Variants in DGKG observed in about 807,000 individuals in gnomAD.
The protein encoded by DGKG is diacylglycerol kinase gamma, also known as DAG kinase gamma.
DGKG carries 78 observed loss-of-function variants against 105.3 expected under a neutral mutation model. The observed-to-expected ratio is 0.74, with a 90% CI of 0.62 to 0.89. The LOEUF is 0.89. Ranked by LOEUF, DGKG falls within the 40% of genes least tolerant of loss-of-function variation. The pLI is 0.00. For synonymous variants in DGKG, 346 were observed against 367.1 expected, an observed-to-expected ratio of 0.94 and a Z score of 0.66; for missense variants, 958 against 1,020.1, an observed-to-expected ratio of 0.94 and a Z score of 0.83.
intron 22 of DGKG, among the ~76,000 whole-genome samples, chr3:186,178,127 T>TA (rs1717178231): frequency 6.6e-6 from 1 of 152,206 alleles, no homozygotes; most frequent in African/African-American, 2.4e-5. Context: ...TGCTTGTGGC[T>TA]TGATCTTGGA....
intron 16 of DGKG, among the ~76,000 whole-genome samples, chr3:186,258,606 T>C (rs1721596512): frequency 6.6e-6 from 1 of 152,192 alleles, no homozygotes. Flanking sequence ...CCCATGACTT[T>C]GTCAGCGGTC....
At chr3:186,279,008 T>C (rs1722711413) in intron 9 of DGKG, 3 of 152,238 alleles carry the variant, frequency 2.0e-5, no homozygotes, top group Admixed American at 6.5e-5. Flanking sequence ...TGAAGGTATA[T>C]ATAACAATCA....
chr3:186,349,549 T>TA (rs1407793160), intron 1 of DGKG, among the ~76,000 whole-genome samples: 5 of 152,224 alleles, frequency 3.3e-5, no homozygotes, highest in Non-Finnish European at 2.9e-5. Flanking sequence ...CTCTTTTTTT[T>TA]AGCATCTATT....
At chr3:186,174,652 CTGTGTGTGTGTG>C (rs67342971) in intron 22 of DGKG, among the ~76,000 whole-genome samples, 46,448 of 145,724 alleles carry the variant, frequency 0.32, 8,546 homozygotes, top group East Asian at 0.69. Context: ...TTCCCTGCGG[CTGTGTGTGTGTG>C]TGTGTGTGTG....
chr3:186,194,866 G>A (rs974721704), intron 21 of DGKG, among the ~76,000 whole-genome samples: 1 of 147,446 alleles, frequency 6.8e-6, no homozygotes, highest in Non-Finnish European at 1.5e-5. Context: ...CATTTTGGGA[G>A]GCCGAGGCAG....
chr3:186,277,964 T>C (rs553898745), intron 9 of DGKG, among the ~76,000 whole-genome samples: 1 of 152,292 alleles, frequency 6.6e-6, no homozygotes, highest in East Asian at 1.9e-4. Flanking sequence ...TTAAAAACTT[T>C]TAAAGTACAT....
intron 3 of DGKG, among the ~76,000 whole-genome samples, chr3:186,306,401 C>T (rs943903687): frequency 3.3e-5 from 5 of 151,534 alleles, no homozygotes; most frequent in East Asian, 1.9e-4. Flanking sequence ...AAAGGAGGGA[C>T]GAGGAGGGAG....
intron 6 of DGKG, among the ~76,000 whole-genome samples, chr3:186,285,800 C>T (rs1410450854): frequency 1.3e-5 from 2 of 152,012 alleles, no homozygotes; most frequent in African/African-American, 4.8e-5. Context: ...CTGCCTCACC[C>T]TCCTGAGTCG....
At chr3:186,232,437 T>C (rs966402686) in intron 20 of DGKG, among the ~76,000 whole-genome samples, 4 of 152,222 alleles carry the variant, frequency 2.6e-5, no homozygotes, top group East Asian at 1.9e-4. Flanking sequence ...TTTTTTACAA[T>C]GAGCCTGAAT....
At chr3:186,289,487 C>T (rs1214292264) in intron 5 of DGKG, among the ~76,000 whole-genome samples, 1 of 152,172 alleles carries the variant, frequency 6.6e-6, no homozygotes, top group Non-Finnish European at 1.5e-5. Flanking sequence ...TAAAATTTCT[C>T]CTTTCTAAGG....
intron 6 of DGKG, among the ~76,000 whole-genome samples, chr3:186,286,513 T>C (rs184028776): frequency 7.5e-4 from 112 of 149,322 alleles, no homozygotes; most frequent in Non-Finnish European, 1.3e-3. Flanking sequence ...TGAGAATGCA[T>C]TCAAAGTACT....
chr3:186,314,708 C>T (rs1046845273), intron 2 of DGKG, among the ~76,000 whole-genome samples: 3 of 147,530 alleles, frequency 2.0e-5, no homozygotes, highest in Non-Finnish European at 3.0e-5. Flanking sequence ...GAGCCGAGAT[C>T]GCGCCGCTGC....
chr3:186,285,240 G>A (rs1413760224), intron 6 of DGKG, among the ~76,000 whole-genome samples: 1 of 152,142 alleles, frequency 6.6e-6, no homozygotes, highest in Non-Finnish European at 1.5e-5. Context: ...GTAACTGATA[G>A]GCCAAATCAA....
intron 20 of DGKG, among the ~76,000 whole-genome samples, chr3:186,235,288 T>A (rs1372319892): frequency 1.3e-5 from 2 of 152,250 alleles, no homozygotes; most frequent in Non-Finnish European, 2.9e-5. Context: ...TAATTTCATT[T>A]GGGGCTTTTC....
chr3:186,343,577 A>C (rs1265381135), intron 1 of DGKG, among the ~76,000 whole-genome samples: 1 of 152,140 alleles, frequency 6.6e-6, no homozygotes, highest in Non-Finnish European at 1.5e-5. Flanking sequence ...GAGCCACTGC[A>C]CCTGGACTAT....
intron 1 of DGKG, among the ~76,000 whole-genome samples, chr3:186,340,595 A>G (rs113643230): frequency 5.4e-4 from 82 of 152,344 alleles, no homozygotes; most frequent in African/African-American, 1.9e-3. Flanking sequence ...CCTGTTGCTG[A>G]TGGAATCACA....
In DGKG at chr3:186,149,815, G is replaced by C; in HGVS notation, c.*275C>G. On this transcript the variant is annotated 3_prime_UTR_variant, in exon 25 of 25. Coordinates refer to ENST00000265022, the MANE Select transcript of DGKG (RefSeq NM_001346.3). ...TGCTCAAGGCCTGTGGGAATGTGGAGGTTGCTGCCTAAGCCAGCCACAACC... is the reference window on the plus strand; with the variant it reads ...TGCTCAAGGCCTGTGGGAATGTGGACGTTGCTGCCTAAGCCAGCCACAACC... 8.6e-7 allele frequency: 1 copy of C among 1,163,492 alleles called. No homozygotes were observed. The highest frequency in any genetic ancestry group is 3.0e-5 in the South Asian group (1 of 32,950). 72.1% of individuals were successfully genotyped at this position (1,163,492 alleles called of 1,614,324 possible).
intron 21 of DGKG, among the ~76,000 whole-genome samples, chr3:186,193,261 T>G (rs372554814): frequency 3.9e-4 from 60 of 152,224 alleles, no homozygotes; most frequent in Admixed American, 2.0e-4. Context: ...GGTTTAAATC[T>G]TGGCTCTGTC....
intron 2 of DGKG, among the ~76,000 whole-genome samples, chr3:186,308,971 G>A (rs115199612): frequency 6.6e-6 from 1 of 152,092 alleles, no homozygotes; most frequent in African/African-American, 2.4e-5. Flanking sequence ...AATTCGACTT[G>A]CTCAAGAGCC....
Sources: allele counts gnomAD v4.1 joint callset (sites outside exome capture counted in the v4.1 genomes callset), GRCh38; gene constraint gnomAD v4.1.1; transcripts MANE v1.5; gene names NCBI Gene and HGNC (gene_info 2026-07-23, HGNC 2026-07-21).